PDSS2: variants seen among roughly 807,000 people sequenced by gnomAD.
The protein encoded by PDSS2 is decaprenyl diphosphate synthase subunit 2, also known as all trans-polyprenyl-diphosphate synthase PDSS2.
Under a neutral mutation model 44.5 loss-of-function variants are expected in PDSS2, and 31 were observed. That is an observed-to-expected ratio of 0.70 (90% confidence interval 0.52 to 0.94). PDSS2 has a LOEUF of 0.94. Among genes scored for constraint, PDSS2 ranks in the 40% least tolerant of loss-of-function variants. The pLI is 0.00. For missense variants in PDSS2, 452 were observed against 482.2 expected (o/e 0.94, Z 0.59); for synonymous variants, 157 against 180.3 (o/e 0.87, Z 1.03).
At chr6:107,192,372 AC>A in intron 7 of PDSS2, 1 of 513,944 alleles carries the variant, frequency 1.9e-6, no homozygotes. Flanking sequence ...AGAGTCTGAG[AC>A]CCCAGGGAAA....
intron 4 of PDSS2, among the ~76,000 whole-genome samples, chr6:107,223,377 A>C (rs577400555): frequency 4.6e-5 from 7 of 151,086 alleles, no homozygotes; most frequent in Admixed American, 3.9e-4. Flanking sequence ...CAAAAATACA[A>C]AAAACAAGCC....
chr6:107,188,287 G>A (rs915694501), intron 7 of PDSS2, among the ~76,000 whole-genome samples: 1 of 152,022 alleles, frequency 6.6e-6, no homozygotes, highest in Non-Finnish European at 1.5e-5. Context: ...GCTGAGGCTG[G>A]AGAATCACTT....
At chr6:107,426,696 A>T (rs1781016638) in intron 1 of PDSS2, among the ~76,000 whole-genome samples, 1 of 152,196 alleles carries the variant, frequency 6.6e-6, no homozygotes, top group African/African-American at 2.4e-5. Context: ...CACCCTTTGC[A>T]TCAGCGTGAC....
chr6:107,371,644 A>G (rs545447441), intron 1 of PDSS2, among the ~76,000 whole-genome samples: 15 of 152,358 alleles, frequency 9.8e-5, no homozygotes, highest in South Asian at 2.1e-4. Context: ...ATTGACAACT[A>G]TAACATTAGT....
At chr6:107,448,606 C>T (rs1488372550) in intron 1 of PDSS2, among the ~76,000 whole-genome samples, 1 of 152,170 alleles carries the variant, frequency 6.6e-6, no homozygotes, top group Non-Finnish European at 1.5e-5. Flanking sequence ...CCAAACTTTC[C>T]CACATCTTTC....
intron 1 of PDSS2, among the ~76,000 whole-genome samples, chr6:107,366,712 C>A (rs1445850490): frequency 3.3e-5 from 5 of 151,870 alleles, no homozygotes; most frequent in Admixed American, 3.3e-4. Context: ...TCTATGCCAA[C>A]AAACCAGATG....
chr6:107,448,803 T>C (rs991946094), intron 1 of PDSS2, among the ~76,000 whole-genome samples: 2 of 152,218 alleles, frequency 1.3e-5, no homozygotes, highest in African/African-American at 4.8e-5. Flanking sequence ...AGAGGTTTAA[T>C]TGACCCAGAG....
At chr6:107,335,823 T>C (rs987139086) in intron 1 of PDSS2, among the ~76,000 whole-genome samples, 1 of 152,108 alleles carries the variant, frequency 6.6e-6, no homozygotes, top group African/African-American at 2.4e-5. Flanking sequence ...TATACAAATA[T>C]AGCTCTCGAA....
chr6:107,345,115 GC>G, intron 1 of PDSS2, among the ~76,000 whole-genome samples: 1 of 151,770 alleles, frequency 6.6e-6, no homozygotes, highest in East Asian at 2.0e-4. Flanking sequence ...CACCACTCAA[GC>G]AATGACACTG....
chr6:107,381,503 T>C (rs1005699231), intron 1 of PDSS2, among the ~76,000 whole-genome samples: 6 of 152,344 alleles, frequency 3.9e-5, no homozygotes, highest in African/African-American at 1.4e-4. Context: ...ATCCAAGGAA[T>C]TGAAGCATTA....
At chr6:107,239,922 G>A (rs771718573) in intron 4 of PDSS2, among the ~76,000 whole-genome samples, 32 of 152,020 alleles carry the variant, frequency 2.1e-4, no homozygotes, top group Non-Finnish European at 4.1e-4. Flanking sequence ...GATTACAGGC[G>A]TGAGCCACCG....
At chr6:107,157,792 T>C (rs921080646) in intron 7 of PDSS2, among the ~76,000 whole-genome samples, 12 of 151,762 alleles carry the variant, frequency 7.9e-5, no homozygotes, top group Admixed American at 7.2e-4. Context: ...TGCCTCAGCC[T>C]CCCAAGTAGC....
At chr6:107,280,337 C>T (rs1775921185) in intron 2 of PDSS2, among the ~76,000 whole-genome samples, 1 of 152,160 alleles carries the variant, frequency 6.6e-6, no homozygotes, top group African/African-American at 2.4e-5. Flanking sequence ...GCTGGGATTA[C>T]AGGCCTAAGC....
chr6:107,402,511 CACACACATATATACATACATT>C (rs1780170233), intron 1 of PDSS2, among the ~76,000 whole-genome samples: 1 of 110,814 alleles, frequency 9.0e-6, no homozygotes, highest in African/African-American at 3.2e-5. Flanking sequence ...CATATATATA[CACACACATATATACATACATT>C]TTATATATAT....
At chr6:107,405,107 A>C (rs1562518315) in intron 1 of PDSS2, among the ~76,000 whole-genome samples, 1 of 152,142 alleles carries the variant, frequency 6.6e-6, no homozygotes. Flanking sequence ...CTTACAAGGC[A>C]GAAGAGATTG....
chr6:107,256,280 G>C (rs893523024), intron 3 of PDSS2, among the ~76,000 whole-genome samples: 1 of 151,948 alleles, frequency 6.6e-6, no homozygotes, highest in Non-Finnish European at 1.5e-5. Flanking sequence ...TGTGAGCCAC[G>C]GTGCCCTGCC....
At chr6:107,348,075 A>G (rs1221673759) in intron 1 of PDSS2, among the ~76,000 whole-genome samples, 3 of 152,182 alleles carry the variant, frequency 2.0e-5, no homozygotes, top group Non-Finnish European at 2.9e-5. Context: ...ATCCCCTCCT[A>G]CACCCCAAAT....
intron 2 of PDSS2, among the ~76,000 whole-genome samples, chr6:107,295,213 C>T (rs1026705850): frequency 4.6e-5 from 7 of 152,176 alleles, no homozygotes; most frequent in African/African-American, 1.7e-4. Flanking sequence ...GGATTACAGG[C>T]GTGAGCCACC....
At chr6:107,364,106 G>A (rs1251047337) in intron 1 of PDSS2, among the ~76,000 whole-genome samples, 2 of 152,244 alleles carry the variant, frequency 1.3e-5, no homozygotes, top group African/African-American at 4.8e-5. Flanking sequence ...GTGCTGAGTG[G>A]TGTATTTACA....
Sources: allele counts gnomAD v4.1 joint callset (sites outside exome capture counted in the v4.1 genomes callset), GRCh38; gene constraint gnomAD v4.1.1; transcripts MANE v1.5; gene names NCBI Gene and HGNC (gene_info 2026-07-23, HGNC 2026-07-21).